Variants in PDE11A observed in about 807,000 individuals in gnomAD.
PDE11A encodes dual 3',5'-cyclic-AMP and -GMP phosphodiesterase 11A.
In PDE11A, 100 loss-of-function variants were observed where a neutral mutation model predicts 100.5. That is an observed-to-expected ratio of 1.00 (90% confidence interval 0.85 to 1.18). The LOEUF (loss-of-function observed/expected upper bound fraction) is 1.18, where lower values mean the gene tolerates loss of function less well. Among genes scored for constraint, PDE11A ranks in the 50% most tolerant of loss-of-function variants. PDE11A has a pLI of 0.00. For synonymous variants in PDE11A, 381 were observed against 420.8 expected (o/e 0.91, Z 1.16); for missense variants, 1,141 against 1,152.6 (o/e 0.99, Z 0.15).
chr2:177,675,280 G>A (rs62182970), intron 17 of PDE11A, among the ~76,000 whole-genome samples, 175 bp downstream of exon 17: 3 of 148,678 alleles, frequency 2.0e-5, no homozygotes. Context: ...AAAAAAAAGG[G>A]CTGTGCAATA....
chr2:177,987,163 C>T (rs6433705), intron 2 of PDE11A, among the ~76,000 whole-genome samples: 101,286 of 151,830 alleles, frequency 0.67, 35,401 homozygotes, highest in African/African-American at 0.87. Flanking sequence ...CAATACCATT[C>T]TCTTGCTGCT....
At chr2:177,788,028 C>T (rs372481935) in intron 9 of PDE11A, among the ~76,000 whole-genome samples, 2 of 152,036 alleles carry the variant, frequency 1.3e-5, no homozygotes, top group East Asian at 3.9e-4. Context: ...CAGCTCTGCA[C>T]CAAGCGGACC....
At chr2:177,922,869 T>A (rs1200773895) in intron 2 of PDE11A, 1 of 972,486 alleles carries the variant, frequency 1.0e-6, no homozygotes, top group South Asian at 4.8e-5. Flanking sequence ...TCCATGCCCA[T>A]GTACAACTAA....
chr2:177,765,219 T>A (rs971589580), intron 10 of PDE11A, among the ~76,000 whole-genome samples: 1 of 151,650 alleles, frequency 6.6e-6, no homozygotes, highest in Admixed American at 6.6e-5. Context: ...GGGGAGAAAA[T>A]CCCAAAACAT....
At chr2:177,903,956 T>C (rs17401468) in intron 3 of PDE11A, among the ~76,000 whole-genome samples, 21,643 of 152,170 alleles carry the variant, frequency 0.14, 1,766 homozygotes, top group African/African-American at 0.23. Context: ...ATGTGGTATG[T>C]CATGCTAAAG....
At chr2:177,933,200 A>T (rs535969021) in intron 2 of PDE11A, among the ~76,000 whole-genome samples, 1,801 of 152,318 alleles carry the variant, frequency 0.012, 22 homozygotes, top group Non-Finnish European at 0.017. Flanking sequence ...ATGGAAAAAA[A>T]TTCCATGCTC....
chr2:178,007,573 T>C lies in PDE11A; in HGVS notation c.1071+6729A>G, dbSNP rs560124532. Among the ~76,000 whole-genome samples the C allele has an allele frequency of 2.7e-4, 41 of 152,326 alleles. No homozygotes were observed. The Middle Eastern group carries it at 0.01, about 38-fold the overall frequency. On this transcript the variant is annotated intron_variant, in intron 2 of 19. Coordinates refer to ENST00000286063, the MANE Select transcript of PDE11A (RefSeq NM_016953.4). ...ATAAAATATTGGAATTAATGAGTTA[T>C]GGGATTCAATCCAAATTATTCCAGG...
chr2:177,882,519 T>C (rs2084359770), intron 4 of PDE11A, among the ~76,000 whole-genome samples: 1 of 152,224 alleles, frequency 6.6e-6, no homozygotes, highest in Non-Finnish European at 1.5e-5. Flanking sequence ...TTTGATTTTA[T>C]TATACATTTA....
intron 9 of PDE11A, among the ~76,000 whole-genome samples, chr2:177,783,200 A>C (rs555725998): frequency 3.9e-5 from 6 of 152,300 alleles, no homozygotes; most frequent in African/African-American, 1.2e-4. Context: ...GAGGCAGTCA[A>C]TATTCATTCC....
At chr2:177,780,659 C>T (rs1297790761) in intron 9 of PDE11A, among the ~76,000 whole-genome samples, 4 of 152,244 alleles carry the variant, frequency 2.6e-5, no homozygotes, top group Non-Finnish European at 5.9e-5. Context: ...GCTACAGCTT[C>T]TACATCAGCA....
chr2:177,873,897 G>A (rs2084187211), intron 5 of PDE11A, among the ~76,000 whole-genome samples: 2 of 152,118 alleles, frequency 1.3e-5, no homozygotes, highest in East Asian at 1.9e-4. Context: ...TTACTCTTGA[G>A]TATTACATCT....
intron 9 of PDE11A, among the ~76,000 whole-genome samples, chr2:177,801,353 G>C (rs1382576260): frequency 6.6e-6 from 1 of 152,112 alleles, no homozygotes; most frequent in Non-Finnish European, 1.5e-5. Context: ...TATGAATACT[G>C]TTTGATTTTT....
chr2:177,999,454 C>T (rs1423039779), intron 2 of PDE11A, among the ~76,000 whole-genome samples: 1 of 152,052 alleles, frequency 6.6e-6, no homozygotes, highest in Non-Finnish European at 1.5e-5. Context: ...AAATTGATGT[C>T]GATATTAAAG....
chr2:178,019,998 C>T (rs1005939382), intron 1 of PDE11A, among the ~76,000 whole-genome samples: 1 of 152,206 alleles, frequency 6.6e-6, no homozygotes, highest in Non-Finnish European at 1.5e-5. Context: ...AAAGTCATCA[C>T]ATATGGAATC....
chr2:178,040,930 T>TAAGAA (rs1290656238), intron 1 of PDE11A, among the ~76,000 whole-genome samples: 2 of 152,140 alleles, frequency 1.3e-5, no homozygotes, highest in African/African-American at 4.8e-5. Context: ...AATTTTTATC[T>TAAGAA]ACTTATTTAT....
At chr2:177,816,457 ATTC>A (rs199658414) in intron 9 of PDE11A, among the ~76,000 whole-genome samples, 181 of 121,804 alleles carry the variant, frequency 1.5e-3, no homozygotes, top group African/African-American at 7.1e-3. Flanking sequence ...CTTGTAGTGA[ATTC>A]TTCTCCTACG....
chr2:178,088,120 T>C (rs1408875950), intron 2 of PDE11A, among the ~76,000 whole-genome samples: 2 of 152,106 alleles, frequency 1.3e-5, no homozygotes, highest in African/African-American at 4.8e-5. Flanking sequence ...CACAGTATTA[T>C]GTGTTTACAT....
intron 12 of PDE11A, among the ~76,000 whole-genome samples, chr2:177,722,170 A>G (rs367706020): frequency 1.3e-5 from 2 of 152,196 alleles, no homozygotes; most frequent in Non-Finnish European, 2.9e-5. Flanking sequence ...AGGCAGCCCC[A>G]GCCTCGAAAC....
At chr2:178,025,978 A>C (rs1454611207) in intron 1 of PDE11A, among the ~76,000 whole-genome samples, 1 of 152,188 alleles carries the variant, frequency 6.6e-6, no homozygotes, top group African/African-American at 2.4e-5. Context: ...CACCAGACAA[A>C]CAGTCAGAAA....
Sources: gnomAD v4.1 joint callset for allele counts (sites outside exome capture counted in the v4.1 genomes callset) on GRCh38, gnomAD v4.1.1 for gene constraint, MANE v1.5 for transcripts, NCBI Gene and HGNC (gene_info 2026-07-23, HGNC 2026-07-21) for gene names.